RAPGEF3: variants seen among roughly 807,000 people sequenced by gnomAD.
RAPGEF3 encodes 9330170P05Rik.
Under a neutral mutation model 129.8 loss-of-function variants are expected in RAPGEF3, and 103 were observed. The observed-to-expected ratio is 0.79, with a 90% CI of 0.68 to 0.93. The LOEUF is 0.93. RAPGEF3 is among the 40% of genes least tolerant of loss of function. The probability of loss-of-function intolerance (pLI) is 0.00; values close to 1 mark genes in which losing one functional copy is unlikely to be tolerated. For missense variants in RAPGEF3, 1,117 were observed against 1,207.4 expected (o/e 0.93, Z 1.11); for synonymous variants, 436 against 482.6 (o/e 0.90, Z 1.26).
intron 2 of RAPGEF3, 78 bp from the exon 3 acceptor site, chr12:47,752,047 A>G (rs970085762): frequency 6.7e-7 from 1 of 1,490,188 alleles, no homozygotes; most frequent in Non-Finnish European, 9.3e-7. Context: ...CTCCCCCATC[A>G]CTCCCACTCT....
At position 47,747,800 on chromosome 12, in the gene RAPGEF3, C is replaced by G. The variant is rs749232919; in HGVS notation, c.1385G>C (p.Arg462Thr). ...GCTGACCAGCCGCAAGATCTGCTGCCTCTTGTTGCAGACGTAGGTGCTGCG... is the reference window on the plus strand; with the variant it reads ...GCTGACCAGCCGCAAGATCTGCTGCGTCTTGTTGCAGACGTAGGTGCTGCG... ...QERSTYVCNKRQQILRLVSQW... is the reference protein window; with the variant it reads ...QERSTYVCNKTQQILRLVSQW... The change falls in exon 14 of 28, where the codon AGG becomes ACG. Residue 462 changes from arginine to threonine, a missense_variant. Arg to Thr is a moderately conservative substitution (Grantham distance 71, BLOSUM62 -1). Transcript: ENST00000449771. 1 of 1,607,682 alleles carries G rather than the reference C, an allele frequency of 6.2e-7. No homozygotes were observed. Among genetic ancestry groups the G allele is most frequent in the Admixed American group, 1.7e-5 (1 of 60,026 alleles).
intron 24 of RAPGEF3, 98 bp from the exon 25 acceptor site, chr12:47,738,852 A>C (rs1592533201): frequency 4.6e-6 from 5 of 1,089,022 alleles, no homozygotes; most frequent in Admixed American, 1.7e-5. Context: ...GGCCTACCTC[A>C]CCCCATAGAG....
rs964751006 is a variant in RAPGEF3 at position 47,758,767 on chromosome 12, G to T, written c.-211C>A. Reference sequence around the variant, plus strand: ...GCTCCTCTTGGGTGAGTAGAGGGGTGGGGGCGTGGTGGGGGGACGCCACCC... The same window carrying T: ...GCTCCTCTTGGGTGAGTAGAGGGGTTGGGGCGTGGTGGGGGGACGCCACCC... On this transcript the variant is annotated 5_prime_UTR_variant, in exon 1 of 28. Transcript: ENST00000449771. 1 of 1,241,752 alleles carries T rather than the reference G, an allele frequency of 8.1e-7. No homozygotes were observed. The highest frequency in any genetic ancestry group is 1.0e-6 in the Non-Finnish European group (1 of 991,166). 76.9% of individuals were successfully genotyped at this position (1,241,752 alleles called of 1,614,324 possible).
In RAPGEF3 at chr12:47,740,160, G is replaced by C. The variant is rs370847369; in HGVS notation, c.2354C>G (p.Ser785Cys). Residue 785 changes from serine (S) to cysteine (C), a missense_variant, in exon 23 of 28, where the codon TCC (serine) becomes TGC (cysteine). By Grantham distance (112) the Ser-to-Cys change is moderately radical (BLOSUM62 -1). Coordinates refer to ENST00000449771, the MANE Select transcript of RAPGEF3 (RefSeq NM_001098531.4). ...RLPHKVRKLY[S>C]ALERLLDPSW... ...ACTCACCAGCAGCCTCTCGAGGGCG[G>C]AGTACAGCTTCCGGACTTTGTGAGG... 5 of 1,613,388 alleles carry C rather than the reference G, an allele frequency of 3.1e-6. No homozygotes were observed. The highest frequency in any genetic ancestry group is 1.7e-5 in the Admixed American group (1 of 59,962).
intron 4 of RAPGEF3, 90 bp from the exon 5 acceptor site, chr12:47,751,610 A>T: frequency 6.2e-7 from 1 of 1,600,850 alleles, no homozygotes; most frequent in South Asian, 1.1e-5. Flanking sequence ...TCTGAGGCCC[A>T]AGCCTGGTTC....
chr12:47,755,548 C>T, intron 2 of RAPGEF3, among the ~76,000 whole-genome samples: 1 of 152,162 alleles, frequency 6.6e-6, no homozygotes. Context: ...GGACATCAGA[C>T]AAGATCTCAC....
intron 27 of RAPGEF3, 27 bp downstream of exon 27, chr12:47,737,995 G>GCCCCCCCC: frequency 3.4e-6 from 5 of 1,464,014 alleles, no homozygotes; most frequent in South Asian, 1.1e-5. Context: ...CCCCCTCCCT[G>GCCCCCCCC]CCCACCCACC....
chr12:47,738,924 G>A, intron 24 of RAPGEF3, 170 bp from the exon 25 acceptor site: 2 of 724,756 alleles, frequency 2.8e-6, no homozygotes, highest in East Asian at 2.6e-5. Context: ...GGCCCTGAAG[G>A]CAGCCCGTAT....
intron 19 of RAPGEF3, 176 bp downstream of exon 19, chr12:47,741,329 C>T (rs1456266336): frequency 7.2e-6 from 5 of 698,182 alleles, no homozygotes; most frequent in African/African-American, 3.6e-5. Context: ...CTGCCCTGCA[C>T]TATCTTGGGA....
Position 47,758,532 on chromosome 12 carries a change from C to T in RAPGEF3, c.6+19G>A, listed in dbSNP as rs763348917. ...CGCCCTCTCCTGCTCCTCCTCAACCCTGACCCCACCTTACCCACCTTCATG... is the reference window on the plus strand; with the variant it reads ...CGCCCTCTCCTGCTCCTCCTCAACCTTGACCCCACCTTACCCACCTTCATG... On this transcript the variant is annotated intron_variant, in intron 1 of 27. Coordinates refer to ENST00000449771, the MANE Select transcript of RAPGEF3 (RefSeq NM_001098531.4). 1 of 1,613,768 alleles carries T rather than the reference C, an allele frequency of 6.2e-7. No individual in the cohort carries two copies. The highest frequency in any genetic ancestry group is 8.5e-7 in the Non-Finnish European group (1 of 1,179,844).
At chr12:47,739,856 C>G in intron 23 of RAPGEF3, 1 of 533,746 alleles carries the variant, frequency 1.9e-6, no homozygotes, top group South Asian at 2.1e-5. Context: ...GACTGGACAC[C>G]CACATGCTCC....
chr12:47,746,415 T>A (rs1941420096), intron 16 of RAPGEF3: 2 of 520,276 alleles, frequency 3.8e-6, no homozygotes, highest in East Asian at 3.6e-5. Context: ...CATCTTCTCA[T>A]CCCCTCTTTG....
At position 47,751,933 on chromosome 12, in the gene RAPGEF3, T is replaced by G; in HGVS notation, c.256A>C (p.Ser86Arg). ...LTNSEESLDF[S>R]ESLEQASTER... ...GCTTCTACCTGCTCCAGGCTCTCGCTGAAATCCAGGGACTCCTCGCTGTTG... is the reference window on the plus strand; with the variant it reads ...GCTTCTACCTGCTCCAGGCTCTCGCGGAAATCCAGGGACTCCTCGCTGTTG... The change falls in exon 3 of 28, where the codon AGC (serine) becomes CGC (arginine). Residue 86 changes from serine to arginine, a missense_variant. Ser to Arg is a moderately radical substitution (Grantham distance 110). Transcript: ENST00000449771. 1 of 1,614,142 alleles carries G rather than the reference T, an allele frequency of 6.2e-7. No individual in the cohort carries two copies. The highest frequency in any genetic ancestry group is 8.5e-7 in the Non-Finnish European group (1 of 1,180,006).
chr12:47,758,151 A>G, intron 1 of RAPGEF3, 73 bp from the exon 2 acceptor site: 1 of 1,504,118 alleles, frequency 6.6e-7, no homozygotes, highest in East Asian at 2.5e-5. Flanking sequence ...CAACTGCCCC[A>G]GGCAGAACTA....
In RAPGEF3 at chr12:47,740,637, C is replaced by G. The variant is rs1472778904; in HGVS notation, c.2231+5G>C. ...CCACGCCCTACCCACTGGACAGGGA[C>G]TCACTGGGCCGCCAGCTTAATGAAC... On this transcript the variant is annotated splice_donor_5th_base_variant and intron_variant, in intron 21 of 27. Transcript: ENST00000449771. 3 of 1,613,212 alleles carry G rather than the reference C, an allele frequency of 1.9e-6. No individual in the cohort carries two copies. Among genetic ancestry groups the G allele is most frequent in the Non-Finnish European group, 1.7e-6 (2 of 1,179,750 alleles).
In RAPGEF3 at chr12:47,744,002, G is replaced by T. The variant is rs1941297778; in HGVS notation, c.1663C>A (p.Gln555Lys). Residue 555 changes from glutamine to lysine, a missense_variant, in exon 17 of 28, where the codon CAA becomes AAA. Transcript: ENST00000449771. Reference sequence around the variant, plus strand: ...GACCACCAACCTTTATCCCCAACTTGGATGGCACAGCTGCTGCCAGGAAGG... The same window carrying T: ...GACCACCAACCTTTATCCCCAACTTTGATGGCACAGCTGCTGCCAGGAAGG... ...EPLPGSSCAI[Q>K]VGDKVPYDIC... 1 of 1,609,278 alleles carries T rather than the reference G, an allele frequency of 6.2e-7. No homozygotes were observed. The highest frequency in any genetic ancestry group is 8.5e-7 in the Non-Finnish European group (1 of 1,175,718).
Position 47,751,903 on chromosome 12 carries a change from CCCAGGCTTCTACCTGCT to C in RAPGEF3, c.269_273+12del. 1 of 1,614,150 alleles carries C rather than the reference CCCAGGCTTCTACCTGCT, an allele frequency of 6.2e-7. No individual in the cohort carries two copies. Among genetic ancestry groups the C allele is most frequent in the Non-Finnish European group, 8.5e-7 (1 of 1,179,984 alleles). On this transcript the variant is annotated splice_donor_variant and splice_donor_5th_base_variant and coding_sequence_variant and intron_variant, in exon 3 of 28. Transcript: ENST00000449771. LOFTEE classifies it high-confidence loss of function. ...TGCTGCCTGTCCCAGCTCCACCCTG[CCCAGGCTTCTACCTGCT>C]CCAGGCTCTCGCTGAAATCCAGGGA...
In RAPGEF3 at chr12:47,746,885, C is replaced by A; in HGVS notation, c.1571G>T (p.Cys524Phe). ...CTTCATCTGAGGAGATGCATTCCCA[C>A]AGCCATTCTCCAACCTGCAGACAAG... ...RRRCHRLENG[C>F]GNASPQMKAR... The change falls in exon 16 of 28, where the codon TGT (cysteine) becomes TTT (phenylalanine). Residue 524 changes from cysteine to phenylalanine, a missense_variant. Cys to Phe is a radical substitution (Grantham distance 205, BLOSUM62 -2). This residue lies in a region of RAPGEF3 where 643 missense variants were observed against 673.4 expected (regional missense o/e 0.95). Coordinates refer to ENST00000449771, the MANE Select transcript of RAPGEF3 (RefSeq NM_001098531.4). 6.2e-7 allele frequency: 1 copy of A among 1,601,548 alleles called. No homozygotes were observed. The highest frequency in any genetic ancestry group is 8.5e-7 in the Non-Finnish European group (1 of 1,176,280).
chr12:47,749,231 A>T lies in RAPGEF3; in HGVS notation c.1041+159T>A. On this transcript the variant is annotated intron_variant, in intron 10 of 27. Transcript: ENST00000449771. This position sits in a 1 kb window ranked among gnomAD's most constrained non-coding sequence, Gnocchi z 4.5. ...TGTGCCTTATGGGCTTCACCTTCTC[A>T]CACACACCCAGGGCTATGGTCCCAC... 1 of 897,982 alleles carries T rather than the reference A, an allele frequency of 1.1e-6. No homozygotes were observed. Among genetic ancestry groups the T allele is most frequent in the Non-Finnish European group, 1.7e-6 (1 of 574,744 alleles). The allele number at this position is 897,982 out of a possible 1,614,324, so 55.6% of individuals were successfully genotyped here. A position where few individuals can be genotyped will look rare whatever the true frequency, so the allele number is the denominator to read the frequency against.
Sources: allele counts gnomAD v4.1 joint callset (sites outside exome capture counted in the v4.1 genomes callset), GRCh38; gene constraint gnomAD v4.1.1; regional missense constraint gnomAD v4.1.1; non-coding constraint Gnocchi (gnomAD v3.1); transcripts MANE v1.5; gene names NCBI Gene and HGNC (gene_info 2026-07-23, HGNC 2026-07-21).